C14orf180: variants seen among roughly 807,000 people sequenced by gnomAD.
C14orf180 encodes nutritionally-regulated adipose and cardiac enriched protein homolog.
In C14orf180, 13 loss-of-function variants were observed where a neutral mutation model predicts 13.9. The ratio of observed to expected loss-of-function variants is 0.94; its 90% confidence interval spans 0.61 to 1.49. The LOEUF is 1.49. Among genes scored for constraint, C14orf180 ranks in the 40% most tolerant of loss-of-function variants. C14orf180 has a pLI of 0.00. For synonymous variants in C14orf180, 113 were observed against 106.3 expected (o/e 1.06, Z -0.39); for missense variants, 238 against 232.0 (o/e 1.03, Z -0.17).
intron 3 of C14orf180, 103 bp downstream of exon 3, chr14:104,587,981 T>A (rs1277537407): frequency 7.1e-7 from 1 of 1,409,668 alleles, no homozygotes; most frequent in African/African-American, 1.4e-5. Context: ...GCCCAGGACA[T>A]GGGGGGGCCG....
At position 104,586,520 on chromosome 14, in the gene C14orf180, G is replaced by A. The variant is rs111940875; in HGVS notation, c.90G>A (p.Pro30=). The change falls in exon 2 of 5, where the codon CCG becomes CCA. Residue 30 remains proline (P), a synonymous_variant. Transcript: ENST00000557649. ...AGAATGAGGAGGCCGCGTGGGGCCC[G>A]CGGGTGTGCAGGGCAGAGAGGGTAA... ...TRKNEEAAWG[P]RVCRAEREDN... 163 of 1,545,070 alleles carry A rather than the reference G, an allele frequency of 1.1e-4. 1 individual carries two copies. Among genetic ancestry groups the A allele is most frequent in the African/African-American group, 4.8e-4 (35 of 73,004 alleles).
chr14:104,586,477 C>T lies in C14orf180; in HGVS notation c.47C>T (p.Thr16Ile), dbSNP rs146867283. Residue 16 changes from threonine (T) to isoleucine (I), a missense_variant, in exon 2 of 5, where the codon ACA becomes ATA. Physicochemically the swap from Thr to Ile is moderately conservative, Grantham distance 89 (BLOSUM62 -1). Transcript: ENST00000557649. The part of the protein sequence containing the change: ...GAVSPDSRPE[T>I]RRQTRKNEEA... ...GTGAGCCCTGACTCCCGGCCAGAGA[C>T]ACGACGTCAGACCAGAAAGAATGAG... 3 of 1,550,736 alleles carry T rather than the reference C, an allele frequency of 1.9e-6. No individual in the cohort carries two copies. The African/African-American group carries it at 4.1e-5, about 21-fold the overall frequency.
intron 1 of C14orf180, among the ~76,000 whole-genome samples, chr14:104,580,341 C>A (rs1886394492): frequency 6.6e-6 from 1 of 152,226 alleles, no homozygotes; most frequent in Non-Finnish European, 1.5e-5. Flanking sequence ...TGTGTCCACA[C>A]TGAGGCCAGG....
chr14:104,585,682 G>A (rs201309334), intron 1 of C14orf180, among the ~76,000 whole-genome samples: 32 of 121,784 alleles, frequency 2.6e-4, no homozygotes, highest in Middle Eastern at 7.4e-3. Flanking sequence ...CAGGGAGATA[G>A]AGACAGAATT....
chr14:104,582,366 C>T (rs994539157), intron 1 of C14orf180, among the ~76,000 whole-genome samples: 2 of 152,290 alleles, frequency 1.3e-5, no homozygotes, highest in Middle Eastern at 3.4e-3. Context: ...GGCACTGCCA[C>T]GGCCGCTGGG....
chr14:104,583,639 A>G (rs1886514322), intron 1 of C14orf180, among the ~76,000 whole-genome samples: 4 of 152,178 alleles, frequency 2.6e-5, no homozygotes, highest in African/African-American at 9.6e-5. Flanking sequence ...GACTGTCCAC[A>G]TTCCGGCAGA....
chr14:104,586,299 C>A, intron 1 of C14orf180, 116 bp from the exon 2 acceptor site: 2 of 631,664 alleles, frequency 3.2e-6, no homozygotes, highest in South Asian at 5.2e-5. Context: ...CGTGGCCGGT[C>A]GCAAGCCCGG....
At position 104,588,681 on chromosome 14, in the gene C14orf180, C is replaced by G. The variant is rs374323036; in HGVS notation, c.381C>G (p.Pro127=). The change falls in exon 5 of 5, where the codon CCC becomes CCG. Residue 127 remains proline, a synonymous_variant. Coordinates refer to ENST00000557649, the MANE Select transcript of C14orf180 (RefSeq NM_001008404.3). The part of the protein sequence containing the change: ...ALGLYCGRAK[P]VATALEDLRA... ...GCCTATACTGCGGCCGGGCCAAGCC[C>G]GTGGCAACGGCACTGGAGGACCTGC... The G allele has an allele frequency of 1.0e-4, 160 of 1,535,050 alleles. No homozygotes were observed. The highest frequency in any genetic ancestry group is 1.4e-4 in the Non-Finnish European group (155 of 1,145,992).
chr14:104,587,825 AGAG>A lies in C14orf180; in HGVS notation c.191_193del (p.Arg64del). 1 of 1,612,164 alleles carries A rather than the reference AGAG, an allele frequency of 6.2e-7. No homozygotes were observed. Among genetic ancestry groups the A allele is most frequent in the Non-Finnish European group, 8.5e-7 (1 of 1,179,458 alleles). On this transcript the variant is annotated inframe_deletion, in exon 3 of 5. Coordinates refer to ENST00000557649, the MANE Select transcript of C14orf180 (RefSeq NM_001008404.3). ...CACCACCGCCCAGAGGCCAAGCCCC[AGAG>A]GACCTCGAGGCGCGTGTGGTTCCGA...
chr14:104,588,268 T>C lies in C14orf180; in HGVS notation c.242-6T>C, dbSNP rs922572152. On this transcript the variant is annotated splice_polypyrimidine_tract_variant and splice_region_variant and intron_variant, in intron 3 of 4. Transcript: ENST00000557649. ...CCCCCAGCTGACTCTCCATTCTCTTTCGCAGACATTGCTGACAAGAACGCC... is the reference window on the plus strand; with the variant it reads ...CCCCCAGCTGACTCTCCATTCTCTTCCGCAGACATTGCTGACAAGAACGCC... The C allele has an allele frequency of 6.2e-7, 1 of 1,613,934 alleles. No individual in the cohort carries two copies. Among genetic ancestry groups the C allele is most frequent in the Non-Finnish European group, 8.5e-7 (1 of 1,179,998 alleles).
chr14:104,583,149 C>T (rs1264498324), intron 1 of C14orf180, among the ~76,000 whole-genome samples: 4 of 151,664 alleles, frequency 2.6e-5, no homozygotes, highest in African/African-American at 4.9e-5. Flanking sequence ...GAGAGGGGAC[C>T]GCGGAGCTCA....
At chr14:104,588,127 G>A in intron 3 of C14orf180, 147 bp from the exon 4 acceptor site, 1 of 1,019,674 alleles carries the variant, frequency 9.8e-7, no homozygotes, top group Non-Finnish European at 1.5e-6. Context: ...CTGTCCCTTT[G>A]AGGAAGTGTC....
intron 1 of C14orf180, among the ~76,000 whole-genome samples, chr14:104,585,751 A>G (rs1304571095): frequency 7.5e-6 from 1 of 134,076 alleles, no homozygotes; most frequent in Non-Finnish European, 1.5e-5. Flanking sequence ...AGATAGAGAC[A>G]GAATCAGAGA....
intron 1 of C14orf180, among the ~76,000 whole-genome samples, chr14:104,584,673 C>A (rs1305929448): frequency 6.6e-6 from 1 of 152,184 alleles, no homozygotes; most frequent in African/African-American, 2.4e-5. Context: ...CCCACAGCCA[C>A]TCTCTGAGAG....
intron 1 of C14orf180, among the ~76,000 whole-genome samples, chr14:104,584,895 A>T (rs1322879725): frequency 6.6e-6 from 1 of 152,224 alleles, no homozygotes; most frequent in African/African-American, 2.4e-5. Context: ...GGAGGTGGTC[A>T]TGGCCACCCT....
At position 104,587,729 on chromosome 14, in the gene C14orf180, GC is replaced by G; in HGVS notation, c.112-19del. On this transcript the variant is annotated intron_variant, in intron 2 of 4. Coordinates refer to ENST00000557649, the MANE Select transcript of C14orf180 (RefSeq NM_001008404.3). ...CCTCCCGCCGGGGACTCACCAGTCT[GC>G]TTCCCGCCCCCACACCAGGAGGACA... 3.7e-6 allele frequency: 6 copies of G among 1,610,600 alleles called. No homozygotes were observed. Among genetic ancestry groups the G allele is most frequent in the Non-Finnish European group, 5.1e-6 (6 of 1,178,708 alleles).
At chr14:104,588,158 C>G (rs1438625799) in intron 3 of C14orf180, 116 bp from the exon 4 acceptor site, 12 of 1,303,954 alleles carry the variant, frequency 9.2e-6, no homozygotes, top group African/African-American at 1.5e-5. Context: ...GGGCCTGGGT[C>G]TCTCACTGAT....
intron 4 of C14orf180, 21 bp from the exon 5 acceptor site, chr14:104,588,557 C>T: frequency 1.4e-6 from 2 of 1,441,340 alleles, no homozygotes; most frequent in Non-Finnish European, 1.8e-6. Context: ...GGCGCTGACC[C>T]TGCCTGCCCT....
chr14:104,582,041 G>A (rs1886455903), intron 1 of C14orf180, among the ~76,000 whole-genome samples: 1 of 149,468 alleles, frequency 6.7e-6, no homozygotes, highest in African/African-American at 2.6e-5. Context: ...TGGGGTGGGT[G>A]GGATGTCAGG....
Sources: gnomAD v4.1 joint callset for allele counts (sites outside exome capture counted in the v4.1 genomes callset) on GRCh38, gnomAD v4.1.1 for gene constraint, MANE v1.5 for transcripts, NCBI Gene and HGNC (gene_info 2026-07-23, HGNC 2026-07-21) for gene names.